DTNB: variants seen among roughly 807,000 people sequenced by gnomAD.
The protein encoded by DTNB is dystrobrevin beta.
In DTNB, 63 loss-of-function variants were observed where a neutral mutation model predicts 90.7. The observed-to-expected ratio is 0.69, with a 90% CI of 0.57 to 0.86. DTNB has a LOEUF of 0.86. Among genes scored for constraint, DTNB ranks in the 40% least tolerant of loss-of-function variants. The pLI is 0.00. For synonymous variants in DTNB, 277 were observed against 286.7 expected (o/e 0.97, Z 0.34); for missense variants, 744 against 807.1 (o/e 0.92, Z 0.95).
intron 16 of DTNB, among the ~76,000 whole-genome samples, chr2:25,408,399 T>C (rs1239532294): frequency 6.6e-6 from 1 of 151,416 alleles, no homozygotes; most frequent in Non-Finnish European, 1.5e-5. Context: ...ATTAGTTGGG[T>C]GTGGTGACGT....
intron 1 of DTNB, among the ~76,000 whole-genome samples, chr2:25,665,566 C>A (rs900947011): frequency 6.6e-6 from 1 of 151,626 alleles, no homozygotes; most frequent in South Asian, 2.1e-4. Context: ...GTAGAGGTTA[C>A]AATGAGCTGA....
intron 8 of DTNB, among the ~76,000 whole-genome samples, chr2:25,544,559 T>C (rs2082034965): frequency 6.6e-6 from 1 of 152,160 alleles, no homozygotes; most frequent in African/African-American, 2.4e-5. Context: ...TCTGAGGGGA[T>C]CTAAGCAGAA....
intron 3 of DTNB, among the ~76,000 whole-genome samples, chr2:25,628,914 T>C (rs2075061975): frequency 6.6e-6 from 1 of 152,236 alleles, no homozygotes; most frequent in South Asian, 2.1e-4. Flanking sequence ...AATAAATTTA[T>C]CTACTGCATA....
At chr2:25,453,336 A>G (rs999036245) in intron 11 of DTNB, among the ~76,000 whole-genome samples, 3 of 152,212 alleles carry the variant, frequency 2.0e-5, no homozygotes, top group Admixed American at 1.3e-4. Context: ...AAGGTCAATG[A>G]TTAGAAAGGA....
chr2:25,610,559 A>G (rs545459229), intron 4 of DTNB, among the ~76,000 whole-genome samples: 3 of 152,328 alleles, frequency 2.0e-5, no homozygotes, highest in African/African-American at 7.2e-5. Flanking sequence ...AACTTTCACA[A>G]AATGTTCCCT....
At chr2:25,489,762 A>G (rs555179084) in intron 9 of DTNB, among the ~76,000 whole-genome samples, 9 of 152,230 alleles carry the variant, frequency 5.9e-5, no homozygotes, top group African/African-American at 1.7e-4. Flanking sequence ...GAAAAATTAG[A>G]AAAACACCAG....
Position 25,427,807 on chromosome 2 carries a change from A to T in DTNB, c.1458-176T>A, listed in dbSNP as rs1407346873. ...AATGTCTGTTTTGCCTACTTCCTGG[A>T]CTGTTCTGAGAATAATAGGTAAAAG... On this transcript the variant is annotated intron_variant, in intron 14 of 20. Coordinates refer to ENST00000406818, the MANE Select transcript of DTNB (RefSeq NM_021907.5). 5.4e-6 allele frequency: 3 copies of T among 558,436 alleles called. No individual in the cohort carries two copies. In the Admixed American group the frequency reaches 1.0e-4, roughly 19 times the overall value. 34.6% of individuals were successfully genotyped at this position (558,436 alleles called of 1,614,324 possible).
chr2:25,537,994 ATACTCT>A (rs1338902732), intron 8 of DTNB, among the ~76,000 whole-genome samples: 3 of 152,146 alleles, frequency 2.0e-5, no homozygotes, highest in Admixed American at 6.5e-5. Flanking sequence ...TATTCTCTAA[ATACTCT>A]TAGGCAATGA....
intron 4 of DTNB, among the ~76,000 whole-genome samples, chr2:25,616,390 C>T (rs1403668749): frequency 6.7e-6 from 1 of 150,042 alleles, no homozygotes; most frequent in East Asian, 1.9e-4. Context: ...TAATATTTTA[C>T]AACACTTTGC....
chr2:25,577,784 C>CGT (rs2060927183), intron 7 of DTNB, among the ~76,000 whole-genome samples: 1 of 152,022 alleles, frequency 6.6e-6, no homozygotes, highest in Non-Finnish European at 1.5e-5. Context: ...GGGCAGATCA[C>CGT]GAGGTCAGGA....
chr2:25,420,006 G>A (rs916741653), intron 15 of DTNB, among the ~76,000 whole-genome samples: 1 of 152,088 alleles, frequency 6.6e-6, no homozygotes, highest in Non-Finnish European at 1.5e-5. Context: ...CAGCAGCATC[G>A]GCATCACCTG....
intron 1 of DTNB, among the ~76,000 whole-genome samples, chr2:25,656,866 T>C: frequency 6.6e-6 from 1 of 152,176 alleles, no homozygotes; most frequent in Non-Finnish European, 1.5e-5. Context: ...AAGAGAAGTT[T>C]CTTAAATCTA....
intron 6 of DTNB, among the ~76,000 whole-genome samples, chr2:25,590,226 T>C (rs1177437654): frequency 6.6e-6 from 1 of 152,230 alleles, no homozygotes; most frequent in African/African-American, 2.4e-5. Context: ...TTCTTCTTCT[T>C]GTTGCCCACA....
chr2:25,387,469 G>T lies in DTNB; in HGVS notation c.1736-91C>A. On this transcript the variant is annotated intron_variant, in intron 17 of 20. Transcript: ENST00000406818. This position sits in a 1 kb window ranked among gnomAD's most constrained non-coding sequence, Gnocchi z 4.5. ...AATGCCTCAGTTCTGCCAGGCCCGA[G>T]AACACAGGTGTGGAACACCTAAGGG... 1 of 1,237,340 alleles carries T rather than the reference G, an allele frequency of 8.1e-7. No homozygotes were observed. The highest frequency in any genetic ancestry group is 1.2e-6 in the Non-Finnish European group (1 of 868,318). 76.6% of individuals were successfully genotyped at this position (1,237,340 alleles called of 1,614,324 possible). A position where few individuals can be genotyped will look rare whatever the true frequency, so the allele number is the denominator to read the frequency against.
At chr2:25,533,961 T>TTTAG (rs1473167063) in intron 8 of DTNB, among the ~76,000 whole-genome samples, 4 of 150,882 alleles carry the variant, frequency 2.7e-5, no homozygotes, top group African/African-American at 9.8e-5. Context: ...TATTTATTTA[T>TTTAG]TTATTTATTT....
chr2:25,433,402 T>C (rs771663748), intron 13 of DTNB, among the ~76,000 whole-genome samples: 1 of 152,148 alleles, frequency 6.6e-6, no homozygotes, highest in Admixed American at 6.5e-5. Flanking sequence ...GATGCCCCAG[T>C]AGACAGCTAT....
rs749508731 is a variant in DTNB, at chr2:25,628,249, C to T, written c.284G>A (p.Arg95His). The T allele has an allele frequency of 1.1e-5, 17 of 1,612,672 alleles. No individual in the cohort carries two copies. The highest frequency in any genetic ancestry group is 4.4e-5 in the South Asian group (4 of 91,054). Reference protein sequence around the residue: ...ISSIYYQLNKRLPSTHQISVE... With the variant: ...ISSIYYQLNKHLPSTHQISVE... ...ACTAATTTGGTGAGTAGAAGGAAGG[C>T]GCTTGTTCAACTGATAGTAGATGGA... The change falls in exon 4 of 21, where the codon CGC becomes CAC. Residue 95 changes from arginine to histidine, a missense_variant. Transcript: ENST00000406818.
intron 9 of DTNB, among the ~76,000 whole-genome samples, chr2:25,495,278 C>T (rs2068568010): frequency 6.6e-6 from 1 of 152,130 alleles, no homozygotes; most frequent in South Asian, 2.1e-4. Flanking sequence ...GCTGCCCAGG[C>T]TGGTCTCGAA....
At chr2:25,590,148 T>C (rs2063274272) in intron 6 of DTNB, among the ~76,000 whole-genome samples, 2 of 152,206 alleles carry the variant, frequency 1.3e-5, no homozygotes, top group Admixed American at 1.3e-4. Flanking sequence ...AAGGAGGGTA[T>C]TACAGCCCCG....
Sources: allele counts gnomAD v4.1 joint callset (sites outside exome capture counted in the v4.1 genomes callset), GRCh38; gene constraint gnomAD v4.1.1; non-coding constraint Gnocchi (gnomAD v3.1); transcripts MANE v1.5; gene names NCBI Gene and HGNC (gene_info 2026-07-23, HGNC 2026-07-21).